Variants in FREM3 observed in about 807,000 individuals in gnomAD.
FREM3 encodes FRAS1-related extracellular matrix protein 3.
Under a neutral mutation model 129.1 loss-of-function variants are expected in FREM3, and 105 were observed. The ratio of observed to expected loss-of-function variants is 0.81; its 90% CI spans 0.69 to 0.96. The LOEUF (loss-of-function observed/expected upper bound fraction) is 0.96. Ranked by LOEUF, FREM3 falls within the 40% of genes least tolerant of loss-of-function variation. The pLI, the probability that FREM3 is intolerant of heterozygous loss-of-function variation, is 0.00. For missense variants in FREM3, 2,593 were observed against 2,666.3 expected (o/e 0.97, Z 0.61); for synonymous variants, 1,014 against 1,044.9 (o/e 0.97, Z 0.57).
chr4:143,579,083 C>A (rs1203698580), intron 7 of FREM3, among the ~76,000 whole-genome samples: 1 of 150,764 alleles, frequency 6.6e-6, no homozygotes, highest in East Asian at 1.9e-4. Context: ...AAAAGCGTCT[C>A]ACTCTACTTG....
At position 143,699,098 on chromosome 4, in the gene FREM3, G is replaced by C; in HGVS notation, c.1578C>G (p.His526Gln). The change falls in exon 1 of 8, where the codon CAC (histidine) becomes CAG (glutamine). Residue 526 changes from histidine (H) to glutamine (Q), a missense_variant. His to Gln is a conservative substitution (Grantham distance 24). Around this residue, in one of 2 missense-constraint regions of FREM3, gnomAD observed 2,276 missense variants for 2,267.2 expected, o/e 1.00. Coordinates refer to ENST00000329798, the MANE Select transcript of FREM3 (RefSeq NM_001168235.2). The surrounding 1 kb of genome is among the most constrained non-coding windows in gnomAD (Gnocchi z 4.2). Reference protein sequence around the residue: ...NIIFRMEDGHHQVDFLFPLTI... With the variant: ...NIIFRMEDGHQQVDFLFPLTI... ...TGAGGGGAAAGAGGAAGTCCACTTG[G>C]TGGTGCCCGTCCTCCATCCGGAAGA... 6.5e-7 allele frequency: 1 copy of C among 1,537,400 alleles called. No homozygotes were observed. Among genetic ancestry groups the C allele is most frequent in the Non-Finnish European group, 8.7e-7 (1 of 1,146,960 alleles).
Position 143,698,680 on chromosome 4 carries a change from GAGGGCT to G in FREM3, c.1990_1995del (p.Ser664_Pro665del), listed in dbSNP as rs769182114. On this transcript the variant is annotated inframe_deletion, in exon 1 of 8. Coordinates refer to ENST00000329798, the MANE Select transcript of FREM3 (RefSeq NM_001168235.2). ...AAAGCCAGCTGGACCATTACAGATT[GAGGGCT>G]GTGTGGTCCAAGATGGCGGTAGAAG... 6 of 1,537,622 alleles carry G rather than the reference GAGGGCT, an allele frequency of 3.9e-6. No homozygotes were observed. In the South Asian group the frequency reaches 7.1e-5, roughly 18 times the overall value.
chr4:143,624,699 G>A (rs1739014478), intron 3 of FREM3, among the ~76,000 whole-genome samples: 1 of 152,250 alleles, frequency 6.6e-6, no homozygotes, highest in African/African-American at 2.4e-5. Context: ...AAAGTTCATA[G>A]TCTCAAGAGA....
chr4:143,601,920 T>C (rs756521411), intron 6 of FREM3: 1 of 152,092 alleles, frequency 6.6e-6, no homozygotes, highest in Non-Finnish European at 1.5e-5. Context: ...AAACATTTCC[T>C]GGAGTCCAGC....
At position 143,624,102 on chromosome 4, in the gene FREM3, A is replaced by G. The variant is rs1290459127; in HGVS notation, c.5653+6T>C. On this transcript the variant is annotated splice_donor_region_variant and intron_variant, in intron 4 of 7. Transcript: ENST00000329798. ...TTAATAAAGCAAATCAATCAGTGTC[A>G]CATACCATCTCCAGGGTCTACAATT... 6.8e-7 allele frequency: 1 copy of G among 1,471,118 alleles called. No individual in the cohort carries two copies. 91.1% of individuals were successfully genotyped at this position (1,471,118 alleles called of 1,614,324 possible).
At chr4:143,686,475 A>T (rs1221643147) in intron 2 of FREM3, among the ~76,000 whole-genome samples, 1 of 152,218 alleles carries the variant, frequency 6.6e-6, no homozygotes, top group Non-Finnish European at 1.5e-5. Flanking sequence ...GAACAAATGG[A>T]CTTAACAGAT....
At chr4:143,693,092 G>C (rs1740501567) in intron 2 of FREM3, 21 bp downstream of exon 2, 2 of 1,251,120 alleles carry the variant, frequency 1.6e-6, no homozygotes, top group Non-Finnish European at 1.1e-6. Flanking sequence ...GAATCCTTTT[G>C]AAGGGTTTAT....
At chr4:143,639,407 G>A (rs115281830) in intron 2 of FREM3, among the ~76,000 whole-genome samples, 173 of 152,216 alleles carry the variant, frequency 1.1e-3, no homozygotes, top group African/African-American at 4.0e-3. Context: ...TGTGGCCCTG[G>A]GTGAATCACT....
chr4:143,598,513 T>A (rs923040760), intron 6 of FREM3, among the ~76,000 whole-genome samples: 11 of 152,118 alleles, frequency 7.2e-5, no homozygotes, highest in Admixed American at 2.6e-4. Context: ...CAGTGTTCTG[T>A]GCATGCCCCA....
chr4:143,694,489 G>T (rs1211020642), intron 1 of FREM3, among the ~76,000 whole-genome samples: 1 of 151,930 alleles, frequency 6.6e-6, no homozygotes, highest in Non-Finnish European at 1.5e-5. Flanking sequence ...TTTTATATTG[G>T]TAATTATTAG....
chr4:143,581,079 A>G (rs554063860), intron 7 of FREM3, among the ~76,000 whole-genome samples: 1 of 152,308 alleles, frequency 6.6e-6, no homozygotes, highest in African/African-American at 2.4e-5. Context: ...GGGAGGGAGC[A>G]AAGAGATTCA....
chr4:143,634,743 G>A (rs761901335), intron 2 of FREM3, among the ~76,000 whole-genome samples: 1 of 151,904 alleles, frequency 6.6e-6, no homozygotes, highest in African/African-American at 2.4e-5. Context: ...CTGCTAAGAC[G>A]AAGGCTCGTT....
At chr4:143,586,046 T>C (rs1368929134) in intron 6 of FREM3, 53 bp from the exon 7 acceptor site, 17 of 1,514,716 alleles carry the variant, frequency 1.1e-5, no homozygotes, top group Non-Finnish European at 1.3e-5. Context: ...CCTGGTATAC[T>C]GTCTCCTTTG....
At chr4:143,610,892 T>C (rs544260971) in intron 6 of FREM3, among the ~76,000 whole-genome samples, 9 of 152,268 alleles carry the variant, frequency 5.9e-5, no homozygotes, top group Non-Finnish European at 5.9e-5. Context: ...CTTGTGCTGC[T>C]TGACAACTCA....
At chr4:143,593,544 A>G (rs183398024) in intron 6 of FREM3, among the ~76,000 whole-genome samples, 2,228 of 152,310 alleles carry the variant, frequency 0.015, 27 homozygotes, top group Middle Eastern at 0.061. Context: ...TGGCTGAAGA[A>G]CAGCGGATAT....
intron 6 of FREM3, among the ~76,000 whole-genome samples, chr4:143,595,713 C>T (rs1738464290): frequency 6.6e-6 from 1 of 151,946 alleles, no homozygotes; most frequent in Admixed American, 6.6e-5. Context: ...CGGTGAAACC[C>T]CGTCTCTACT....
chr4:143,577,471 T>G lies in FREM3; in HGVS notation c.*140A>C. 2.6e-6 allele frequency: 2 copies of G among 767,460 alleles called. No individual in the cohort carries two copies. The highest frequency in any genetic ancestry group is 4.1e-6 in the Non-Finnish European group (2 of 492,162). The allele number at this position is 767,460 out of a possible 1,614,324, so 47.5% of individuals were successfully genotyped here. A position where few individuals can be genotyped will look rare whatever the true frequency, so the allele number is the denominator to read the frequency against. The stretch of plus-strand genomic sequence containing the variant: ...CTCCATGCAGTCATATAAATTACAT[T>G]TCCACATATCACCAGAATATAACAC... On this transcript the variant is annotated 3_prime_UTR_variant, in exon 8 of 8. Coordinates refer to ENST00000329798, the MANE Select transcript of FREM3 (RefSeq NM_001168235.2).
chr4:143,586,942 T>C (rs1156873386), intron 6 of FREM3, among the ~76,000 whole-genome samples: 1 of 152,228 alleles, frequency 6.6e-6, no homozygotes, highest in Non-Finnish European at 1.5e-5. Flanking sequence ...AAATTAGTTA[T>C]GGAGATGACA....
intron 6 of FREM3, among the ~76,000 whole-genome samples, chr4:143,607,081 G>A (rs2149838526): frequency 6.6e-6 from 1 of 152,198 alleles, no homozygotes; most frequent in Admixed American, 6.5e-5. Flanking sequence ...TCTATGCTTA[G>A]CAGAGTTCCT....
Sources: allele counts gnomAD v4.1 joint callset (sites outside exome capture counted in the v4.1 genomes callset), GRCh38; gene constraint gnomAD v4.1.1; regional missense constraint gnomAD v4.1.1; non-coding constraint Gnocchi (gnomAD v3.1); transcripts MANE v1.5; gene names NCBI Gene and HGNC (gene_info 2026-07-23, HGNC 2026-07-21).